Variants in AMACR observed in about 807,000 individuals in gnomAD.
The protein encoded by AMACR is 2-methylacyl-CoA racemase.
AMACR carries 18 observed loss-of-function variants against 22.2 expected under a neutral mutation model. The ratio of observed to expected loss-of-function variants is 0.81; its 90% confidence interval spans 0.56 to 1.20. The LOEUF is 1.20. Among genes scored for constraint, AMACR ranks in the 50% most tolerant of loss-of-function variants. AMACR has a pLI of 0.00. For synonymous variants in AMACR, 213 were observed against 191.3 expected (o/e 1.11, Z -0.94); for missense variants, 499 against 490.6 (o/e 1.02, Z -0.16).
chr5:33,998,771 C>G lies in AMACR; in HGVS notation c.609G>C (p.Leu203=), dbSNP rs764931965. 1.7e-5 allele frequency: 27 copies of G among 1,614,086 alleles called. No individual in the cohort carries two copies. The highest frequency in any genetic ancestry group is 2.3e-5 in the Non-Finnish European group (27 of 1,180,010). The change falls in exon 4 of 5, where the codon CTG becomes CTC. Residue 203 remains leucine, a synonymous_variant. Coordinates refer to ENST00000335606, the MANE Select transcript of AMACR (RefSeq NM_014324.6). ...TGTTCTGTCCTCGAGGTGCTTCCCA[C>G]AGACTCAATTTCTGAGTTTTCCACA... is the stretch of plus-strand genomic sequence containing the variant. ...SFLWKTQKLS[L]WEAPRGQNML...
At chr5:33,999,075 C>T (rs941464604) in intron 3 of AMACR, among the ~76,000 whole-genome samples, 30 of 152,188 alleles carry the variant, frequency 2.0e-4, no homozygotes, top group African/African-American at 7.2e-4. Flanking sequence ...ATGACCTTTG[C>T]TTTCCATTTC....
At chr5:33,993,487 G>T (rs1753544649) in intron 4 of AMACR, among the ~76,000 whole-genome samples, 1 of 152,118 alleles carries the variant, frequency 6.6e-6, no homozygotes. Flanking sequence ...AATTTTCTGA[G>T]GAAATGCACG....
Position 34,007,872 on chromosome 5 carries a change from T to G in AMACR, c.148A>C (p.Lys50Gln), listed in dbSNP as rs1368241851. ...RYDVSRLGRG[K>Q]RSLVLDLKQP... ...TTCAGGTCCAGCACTAGCGAGCGCTTGCCCCGGCCCAAGCGGCTCACGTCG... is the reference window on the plus strand; with the variant it reads ...TTCAGGTCCAGCACTAGCGAGCGCTGGCCCCGGCCCAAGCGGCTCACGTCG... Residue 50 changes from lysine to glutamine, a missense_variant, in exon 1 of 5, where the codon AAG (lysine) becomes CAG (glutamine). By Grantham distance (53) the Lys-to-Gln change is moderately conservative (BLOSUM62 1). Transcript: ENST00000335606. 1.3e-6 allele frequency: 2 copies of G among 1,592,990 alleles called. No individual in the cohort carries two copies. Among genetic ancestry groups the G allele is most frequent in the African/African-American group, 2.7e-5 (2 of 74,608 alleles).
intron 3 of AMACR, among the ~76,000 whole-genome samples, chr5:34,003,358 G>A (rs1231668206): frequency 1.3e-5 from 2 of 152,122 alleles, no homozygotes; most frequent in Non-Finnish European, 2.9e-5. Context: ...TAACCACAAT[G>A]ACAAACTTTT....
chr5:33,995,883 G>C (rs1753617455), intron 4 of AMACR, among the ~76,000 whole-genome samples: 1 of 152,220 alleles, frequency 6.6e-6, no homozygotes. Context: ...CTGAATCTCA[G>C]TAAGAGCAGT....
rs15612 is a variant in AMACR, at chr5:33,988,430, C to T, written c.*663G>A. On this transcript the variant is annotated 3_prime_UTR_variant, in exon 5 of 5. Coordinates refer to ENST00000335606, the MANE Select transcript of AMACR (RefSeq NM_014324.6). ...CAGAGACCCACGGGGAAACAGGCCC[C>T]GAGTTACTGGATACAGGCAACCCTA... 0.28 allele frequency: 431,548 copies of T among 1,534,846 alleles called. 64,891 individuals are homozygous for T. The highest frequency in any genetic ancestry group is 0.43 in the Middle Eastern group (2,535 of 5,902).
At chr5:34,001,180 G>C (rs1753803600) in intron 3 of AMACR, among the ~76,000 whole-genome samples, 1 of 152,200 alleles carries the variant, frequency 6.6e-6, no homozygotes, top group Non-Finnish European at 1.5e-5. Flanking sequence ...GCCTCAATTT[G>C]CCACCAACCT....
Position 33,989,420 on chromosome 5 carries a change from T to TACATCTGCAAACTTCTTCTTC in AMACR, c.801_821dup (p.Lys268_Val274dup), listed in dbSNP as rs1319862342. On this transcript the variant is annotated inframe_insertion, in exon 5 of 5. Coordinates refer to ENST00000335606, the MANE Select transcript of AMACR (RefSeq NM_014324.6). ...ACTCTGCCTTCGTCTTCTCTGCAAA[T>TACATCTGCAAACTTCTTCTTC]ACATCTGCAAACTTCTTCTTCATTT... The TACATCTGCAAACTTCTTCTTC allele has an allele frequency of 6.2e-7, 1 of 1,614,172 alleles. No individual in the cohort carries two copies. Among genetic ancestry groups the TACATCTGCAAACTTCTTCTTC allele is most frequent in the South Asian group, 1.1e-5 (1 of 91,088 alleles).
At chr5:33,994,385 C>A (rs1753575174) in intron 4 of AMACR, among the ~76,000 whole-genome samples, 1 of 151,922 alleles carries the variant, frequency 6.6e-6, no homozygotes, top group African/African-American at 2.4e-5. Flanking sequence ...CACCATGTTG[C>A]CCAGGCTGGT....
At chr5:34,005,550 C>T (rs1186327038) in intron 2 of AMACR, among the ~76,000 whole-genome samples, 1 of 152,134 alleles carries the variant, frequency 6.6e-6, no homozygotes, top group Middle Eastern at 3.2e-3. Flanking sequence ...ATGTATTAAC[C>T]TTCCAACCTG....
chr5:33,991,726 T>TATTTTA (rs1753480259), intron 4 of AMACR, among the ~76,000 whole-genome samples: 1 of 145,192 alleles, frequency 6.9e-6, no homozygotes, highest in African/African-American at 2.5e-5. Flanking sequence ...TAAACACTAT[T>TATTTTA]TTATTATTAT....
At chr5:34,007,401 A>C (rs1338152951) in intron 1 of AMACR, among the ~76,000 whole-genome samples, 1 of 152,172 alleles carries the variant, frequency 6.6e-6, no homozygotes, top group Non-Finnish European at 1.5e-5. Context: ...ATGACCGCCT[A>C]TATGCAGTTT....
At chr5:34,005,165 C>T (rs1753933361) in intron 2 of AMACR, among the ~76,000 whole-genome samples, 1 of 152,204 alleles carries the variant, frequency 6.6e-6, no homozygotes, top group African/African-American at 2.4e-5. Flanking sequence ...CTTTCCTCAA[C>T]TTTTAAATGT....
intron 4 of AMACR, 148 bp from the exon 5 acceptor site, chr5:33,989,650 C>A (rs1022695467): frequency 1.3e-5 from 9 of 708,728 alleles, no homozygotes; most frequent in Non-Finnish European, 2.1e-5. Flanking sequence ...AATGTAAAAT[C>A]AGTTTAAGGT....
At chr5:33,996,964 A>T (rs1158175955) in intron 4 of AMACR, 1 of 570,466 alleles carries the variant, frequency 1.8e-6, no homozygotes, top group Non-Finnish European at 3.2e-6. Flanking sequence ...GAGTCCTGGG[A>T]GTTGTCACAT....
intron 4 of AMACR, among the ~76,000 whole-genome samples, chr5:33,998,297 A>G (rs1561041842): frequency 6.6e-6 from 1 of 152,232 alleles, no homozygotes; most frequent in Non-Finnish European, 1.5e-5. Flanking sequence ...TAGAATATTG[A>G]ATGGAAAGCA....
At position 33,988,471 on chromosome 5, in the gene AMACR, C is replaced by T; in HGVS notation, c.*622G>A. On this transcript the variant is annotated 3_prime_UTR_variant, in exon 5 of 5. Transcript: ENST00000335606. ...GGCAACCCTAAAACTGACTGTCCCT[C>T]TGGACTCTACGTAGTGAGCCAACAC... is the stretch of plus-strand genomic sequence containing the variant. 6.6e-7 allele frequency: 1 copy of T among 1,506,218 alleles called. No individual in the cohort carries two copies. Among genetic ancestry groups the T allele is most frequent in the Non-Finnish European group, 8.8e-7 (1 of 1,131,950 alleles). 93.3% of individuals were successfully genotyped at this position (1,506,218 alleles called of 1,614,324 possible).
rs981261972 is a variant in AMACR at position 33,986,692 on chromosome 5, T to A, written c.*2401A>T. On this transcript the variant is annotated 3_prime_UTR_variant, in exon 5 of 5. Transcript: ENST00000335606. ...AGAGAAGGAAAGAAGCCAGGATATTTCCCTAGATTTCTTTCTTCTCCCTGA... is the reference window on the plus strand; with the variant it reads ...AGAGAAGGAAAGAAGCCAGGATATTACCCTAGATTTCTTTCTTCTCCCTGA... The A allele has an allele frequency of 6.6e-6, 1 of 152,194 alleles. No individual in the cohort carries two copies. The highest frequency in any genetic ancestry group is 2.1e-4 in the South Asian group (1 of 4,830). 9.4% of individuals were successfully genotyped at this position (152,194 alleles called of 1,614,324 possible).
chr5:34,008,031 G>C lies in AMACR; in HGVS notation c.-12C>G, dbSNP rs770956608. ...CCCTGCAGTGCCATGGCGCTTCCCAGTGCCCCGCTGAAGGAAACTGAGCAG... is the reference window on the plus strand; with the variant it reads ...CCCTGCAGTGCCATGGCGCTTCCCACTGCCCCGCTGAAGGAAACTGAGCAG... On this transcript the variant is annotated 5_prime_UTR_variant, in exon 1 of 5. Coordinates refer to ENST00000335606, the MANE Select transcript of AMACR (RefSeq NM_014324.6). 10 of 1,608,928 alleles carry C rather than the reference G, an allele frequency of 6.2e-6. 1 individual carries two copies. In the Admixed American group the frequency reaches 8.3e-5, roughly 13 times the overall value.
Sources: gnomAD v4.1 joint callset for allele counts (sites outside exome capture counted in the v4.1 genomes callset) on GRCh38, gnomAD v4.1.1 for gene constraint, MANE v1.5 for transcripts, NCBI Gene and HGNC (gene_info 2026-07-23, HGNC 2026-07-21) for gene names.